EPDR1: variants seen among roughly 807,000 people sequenced by gnomAD.
EPDR1 encodes mammalian ependymin-related protein 1.
Under a neutral mutation model 23.7 loss-of-function variants are expected in EPDR1, and 27 were observed. The ratio of observed to expected loss-of-function variants is 1.14; its 90% CI spans 0.84 to 1.57. The LOEUF (loss-of-function observed/expected upper bound fraction) is 1.57. Among genes scored for constraint, EPDR1 ranks in the 40% most tolerant of loss-of-function variants. The pLI is 0.00. For synonymous variants in EPDR1, 137 were observed against 118.2 expected (o/e 1.16, Z -1.03); for missense variants, 349 against 290.4 (o/e 1.20, Z -1.47).
At chr7:37,936,025 T>TACACAC (rs1413606219) in intron 1 of EPDR1, among the ~76,000 whole-genome samples, 10 of 105,292 alleles carry the variant, frequency 9.5e-5, no homozygotes, top group East Asian at 7.7e-4. Context: ...TATATATATA[T>TACACAC]ATATATATAT....
intron 1 of EPDR1, among the ~76,000 whole-genome samples, chr7:37,923,498 C>T (rs867436307): frequency 4.6e-5 from 7 of 152,206 alleles, no homozygotes; most frequent in South Asian, 2.1e-4. Flanking sequence ...ACTTTGTGCA[C>T]TTCTAATTAA....
intron 1 of EPDR1, among the ~76,000 whole-genome samples, chr7:37,945,739 A>C (rs748842984): frequency 1.3e-5 from 2 of 152,162 alleles, no homozygotes; most frequent in Non-Finnish European, 2.9e-5. Flanking sequence ...TTTTATTCTA[A>C]GTCAGGGGTA....
At chr7:37,926,856 T>G (rs1184714510) in intron 1 of EPDR1, 5 of 320,770 alleles carry the variant, frequency 1.6e-5, no homozygotes, top group Admixed American at 3.4e-5. Context: ...ATCCCATTCT[T>G]CATTAATCTT....
chr7:37,951,126 T>A lies in EPDR1; in HGVS notation c.*730T>A, dbSNP rs1786398286. 6.6e-6 allele frequency: 1 copy of A among 152,234 alleles called. No individual in the cohort carries two copies. The highest frequency in any genetic ancestry group is 1.5e-5 in the Non-Finnish European group (1 of 68,040). 9.4% of individuals were successfully genotyped at this position (152,234 alleles called of 1,614,324 possible). ...GCCATGTAAGCTTCTTTTTTTTCTA[T>A]GCAAGAGTATTGATGTATGTGCTGA... On this transcript the variant is annotated 3_prime_UTR_variant, in exon 3 of 3. Coordinates refer to ENST00000199448, the MANE Select transcript of EPDR1 (RefSeq NM_017549.5).
chr7:37,935,977 A>G (rs1388415549), intron 1 of EPDR1, among the ~76,000 whole-genome samples: 3 of 97,786 alleles, frequency 3.1e-5, no homozygotes, highest in African/African-American at 9.9e-5. Flanking sequence ...ATGATTTGGG[A>G]ACTAGCAAAT....
chr7:37,920,893 C>T lies in EPDR1; in HGVS notation c.-47C>T. On this transcript the variant is annotated 5_prime_UTR_variant, in exon 1 of 3. Coordinates refer to ENST00000199448, the MANE Select transcript of EPDR1 (RefSeq NM_017549.5). ...CACTCTGATCCCGGACGCCTCAGCGCCCCCTTGGGCTTGGGCTTGCCCTCG... is the reference window on the plus strand; with the variant it reads ...CACTCTGATCCCGGACGCCTCAGCGTCCCCTTGGGCTTGGGCTTGCCCTCG... 6.2e-7 allele frequency: 1 copy of T among 1,611,564 alleles called. No individual in the cohort carries two copies. The highest frequency in any genetic ancestry group is 8.5e-7 in the Non-Finnish European group (1 of 1,179,250).
In EPDR1 at chr7:37,921,066, C is replaced by T. The variant is rs999432649; in HGVS notation, c.127C>T (p.Gln43Ter). The T allele has an allele frequency of 2.6e-6, 4 of 1,560,056 alleles. No individual in the cohort carries two copies. The highest frequency in any genetic ancestry group is 2.8e-5 in the African/African-American group (2 of 72,624). Reference sequence around the variant, plus strand: ...GGCGGTGGGAGCCCCGCGCCCGTGCCAGGCGCCGCAGCAGTGGGAGGGGCG... The same window carrying T: ...GGCGGTGGGAGCCCCGCGCCCGTGCTAGGCGCCGCAGCAGTGGGAGGGGCG... Reference protein sequence around the residue: ...LGAVGAPRPCQAPQQWEGRQV... With the variant: ...LGAVGAPRPC Residue 43 changes from glutamine to a stop codon, truncating the protein, a stop_gained, in exon 1 of 3, where the codon CAG becomes TAG. Transcript: ENST00000199448. LOFTEE classifies it high-confidence loss of function.
chr7:37,939,859 A>T (rs1442620346), intron 1 of EPDR1, among the ~76,000 whole-genome samples: 1 of 152,202 alleles, frequency 6.6e-6, no homozygotes, highest in Non-Finnish European at 1.5e-5. Context: ...AGGCATGCAA[A>T]ATAGTACAAC....
rs776401199 is a variant in EPDR1 at position 37,948,943 on chromosome 7, C to T, written c.373C>T (p.Leu125Phe). Residue 125 changes from leucine to phenylalanine, a missense_variant, in exon 2 of 3, where the codon CTT (leucine) becomes TTT (phenylalanine). Physicochemically the swap from Leu to Phe is conservative, Grantham distance 22. Coordinates refer to ENST00000199448, the MANE Select transcript of EPDR1 (RefSeq NM_017549.5). ...GACCCTGACACAGCCCTGGGATCCT[C>T]TTGACATTCCTCAAAACTCCACCTT... ...KMTLTQPWDP[L>F]DIPQNSTFED... 10 of 1,614,136 alleles carry T rather than the reference C, an allele frequency of 6.2e-6. No individual in the cohort carries two copies. Among genetic ancestry groups the T allele is most frequent in the South Asian group, 1.1e-5 (1 of 91,086 alleles).
At chr7:37,934,979 A>C (rs570449869) in intron 1 of EPDR1, among the ~76,000 whole-genome samples, 2 of 152,186 alleles carry the variant, frequency 1.3e-5, no homozygotes, top group African/African-American at 4.8e-5. Flanking sequence ...TAAAAATAAT[A>C]CAAATCAAAA....
In EPDR1 at chr7:37,921,001, G is replaced by T; in HGVS notation, c.62G>T (p.Gly21Val). Residue 21 changes from glycine (G) to valine (V), a missense_variant, in exon 1 of 3, where the codon GGC becomes GTC. Coordinates refer to ENST00000199448, the MANE Select transcript of EPDR1 (RefSeq NM_017549.5). ...GCCCTGGGTGCCTGGCTGCTGGGCG[G>T]CCTCTGGGCCTGGACCCTGTGCGGC... ...PGALGAWLLGGLWAWTLCGLC... is the reference protein window; with the variant it reads ...PGALGAWLLGVLWAWTLCGLC... 6.6e-7 allele frequency: 1 copy of T among 1,526,244 alleles called. No homozygotes were observed. The allele number at this position is 1,526,244 out of a possible 1,614,324, so 94.5% of individuals were successfully genotyped here.
At chr7:37,944,776 G>T (rs985046353) in intron 1 of EPDR1, among the ~76,000 whole-genome samples, 3 of 152,144 alleles carry the variant, frequency 2.0e-5, no homozygotes, top group Non-Finnish European at 4.4e-5. Context: ...ATTTAGGTGG[G>T]GACACAGCCA....
In EPDR1 at chr7:37,950,384, C is replaced by A. The variant is rs1304577848; in HGVS notation, c.663C>A (p.Asp221Glu). 1.2e-6 allele frequency: 2 copies of A among 1,612,424 alleles called. No homozygotes were observed. Among genetic ancestry groups the A allele is most frequent in the South Asian group, 2.2e-5 (2 of 90,646 alleles). The change falls in exon 3 of 3, where the codon GAC becomes GAA. Residue 221 changes from aspartate (D) to glutamate (E), a missense_variant. Coordinates refer to ENST00000199448, the MANE Select transcript of EPDR1 (RefSeq NM_017549.5). Reference protein sequence around the residue: ...QMAQLEKMSEDCSW With the variant: ...QMAQLEKMSEECSW Reference sequence around the variant, plus strand: ...CCCAACTGGAGAAGATGAGCGAAGACTGCTCCTGGTGAGCCTGTGCATAGG... The same window carrying A: ...CCCAACTGGAGAAGATGAGCGAAGAATGCTCCTGGTGAGCCTGTGCATAGG...
In EPDR1 at chr7:37,921,403, G is replaced by T. The variant is rs948012325; in HGVS notation, c.269+195G>T. 2.9e-6 allele frequency: 4 copies of T among 1,390,568 alleles called. No homozygotes were observed. The African/African-American group carries it at 6.1e-5, about 21-fold the overall frequency. 86.1% of individuals were successfully genotyped at this position (1,390,568 alleles called of 1,614,324 possible). A position where few individuals can be genotyped will look rare whatever the true frequency, so the allele number is the denominator to read the frequency against. On this transcript the variant is annotated intron_variant, in intron 1 of 2. Transcript: ENST00000199448. ...TGGGAGGGGCGCTGCGCCCACCGAG[G>T]GCGGCCTGCTGGCGGGGGACTCAGT...
rs756387972 is a variant in EPDR1 at position 37,922,681 on chromosome 7, C to T, written c.269+1473C>T. ...TGAGGAAGCTAGGGGGGGGTTCTGA[C>T]GCCTATGGTATACCAGGTTCACATT... On this transcript the variant is annotated intron_variant, in intron 1 of 2. Transcript: ENST00000199448. Among the ~76,000 whole-genome samples, 8 of 149,786 alleles carry T rather than the reference C, an allele frequency of 5.3e-5. No individual in the cohort carries two copies. In the East Asian group the frequency reaches 5.8e-4, roughly 11 times the overall value.
chr7:37,921,852 C>A (rs1006550364), intron 1 of EPDR1, among the ~76,000 whole-genome samples: 2 of 152,106 alleles, frequency 1.3e-5, no homozygotes, highest in Non-Finnish European at 2.9e-5. Context: ...TTTAACTTAA[C>A]ATTGTCCCTT....
At chr7:37,924,730 GA>G (rs1383875974) in intron 1 of EPDR1, among the ~76,000 whole-genome samples, 10 of 152,350 alleles carry the variant, frequency 6.6e-5, no homozygotes, top group Middle Eastern at 3.4e-3. Context: ...GTCAGATGTG[GA>G]AAAGAATGTT....
intron 1 of EPDR1, among the ~76,000 whole-genome samples, chr7:37,942,286 T>A (rs1318533342): frequency 6.6e-6 from 1 of 152,152 alleles, no homozygotes; most frequent in Non-Finnish European, 1.5e-5. Context: ...TATTCAGCCT[T>A]AAAAAGGAAG....
chr7:37,935,780 G>A (rs1451135561), intron 1 of EPDR1, among the ~76,000 whole-genome samples: 1 of 151,288 alleles, frequency 6.6e-6, no homozygotes, highest in Non-Finnish European at 1.5e-5. Context: ...TTGTTGGGTA[G>A]GGGTGGGGAG....
Sources: allele counts gnomAD v4.1 joint callset (sites outside exome capture counted in the v4.1 genomes callset), GRCh38; gene constraint gnomAD v4.1.1; transcripts MANE v1.5; gene names NCBI Gene and HGNC (gene_info 2026-07-23, HGNC 2026-07-21).